GPR158: variants seen among roughly 807,000 people sequenced by gnomAD.
GPR158 encodes the protein G protein-coupled receptor 158, also known as metabotropic glycine receptor.
A neutral mutation model predicts 78.2 loss-of-function variants in GPR158; 30 were observed. That is an observed-to-expected ratio of 0.38 (90% CI 0.29 to 0.52). The LOEUF (loss-of-function observed/expected upper bound fraction) is 0.52. Among genes scored for constraint, GPR158 ranks in the 20% least tolerant of loss-of-function variants. GPR158 has a pLI of 0.83. For synonymous variants in GPR158, 581 were observed against 591.1 expected, an observed-to-expected ratio of 0.98 and a Z score of 0.25; for missense variants, 1,463 against 1,523.5, an observed-to-expected ratio of 0.96 and a Z score of 0.66.
In GPR158 at chr10:25,221,098, C is replaced by A; in HGVS notation, c.949C>A (p.Gln317Lys). The A allele has an allele frequency of 6.2e-7, 1 of 1,602,806 alleles. No individual in the cohort carries two copies. Among genetic ancestry groups the A allele is most frequent in the Non-Finnish European group, 8.5e-7 (1 of 1,170,934 alleles). Reference protein sequence around the residue: ...DINLQKVDIDQCSSDGWFSGT... With the variant: ...DINLQKVDIDKCSSDGWFSGT... ...AAATCTTCAGAAAGTGGACATTGAC[C>A]AATGCTCAAGTGATGGCTGGTTTTC... Residue 317 changes from glutamine to lysine, a missense_variant, in exon 2 of 11, where the codon CAA becomes AAA. Physicochemically the swap from Gln to Lys is moderately conservative, Grantham distance 53. Coordinates refer to ENST00000376351, the MANE Select transcript of GPR158 (RefSeq NM_020752.3).
chr10:25,290,904 A>G (rs540718337), intron 2 of GPR158, among the ~76,000 whole-genome samples: 3 of 152,196 alleles, frequency 2.0e-5, no homozygotes. Flanking sequence ...AGTACTGTAC[A>G]TTAAAAATAA....
intron 2 of GPR158, among the ~76,000 whole-genome samples, chr10:25,344,998 C>T (rs1855354227): frequency 6.6e-6 from 1 of 151,934 alleles, no homozygotes; most frequent in East Asian, 1.9e-4. Flanking sequence ...AGGGCTCTGC[C>T]TTTATGACTT....
intron 2 of GPR158, among the ~76,000 whole-genome samples, chr10:25,261,450 T>C (rs1449738657): frequency 6.6e-6 from 1 of 152,188 alleles, no homozygotes; most frequent in African/African-American, 2.4e-5. Context: ...TTATTTTTTT[T>C]ACATCATTCT....
intron 4 of GPR158, among the ~76,000 whole-genome samples, chr10:25,449,208 ATTTCC>A (rs1835181431): frequency 6.6e-6 from 1 of 152,192 alleles, no homozygotes; most frequent in African/African-American, 2.4e-5. Flanking sequence ...GATTCTGATT[ATTTCC>A]TTTCAACAAC....
chr10:25,572,728 G>T lies in GPR158; in HGVS notation c.1594G>T (p.Val532Leu). The change falls in exon 7 of 11, where the codon GTA becomes TTA. Residue 532 changes from valine (V) to leucine (L), a missense_variant. Val to Leu is a conservative substitution (Grantham distance 32). Transcript: ENST00000376351. ...TGGRVMRMLAVILLVVFWFLI... is the reference protein window; with the variant it reads ...TGGRVMRMLALILLVVFWFLI... ...CGGACGGGTCATGAGGATGCTGGCA[G>T]TAATACTCTTGGTAGTGTTTTGGTT... is the stretch of plus-strand genomic sequence containing the variant. The T allele has an allele frequency of 6.2e-7, 1 of 1,613,914 alleles. No homozygotes were observed.
intron 4 of GPR158, among the ~76,000 whole-genome samples, chr10:25,433,586 C>T (rs1157274803): frequency 4.8e-5 from 7 of 145,652 alleles, no homozygotes; most frequent in Admixed American, 1.4e-4. Flanking sequence ...CGCGCGTGCG[C>T]GTGCGCATAT....
At chr10:25,449,879 C>A (rs938344260) in intron 4 of GPR158, among the ~76,000 whole-genome samples, 8 of 151,830 alleles carry the variant, frequency 5.3e-5, no homozygotes, top group African/African-American at 1.7e-4. Flanking sequence ...CCAATACACC[C>A]AGTTATAGAA....
In GPR158 at chr10:25,429,900, T is replaced by G. The variant is rs569084537; in HGVS notation, c.1335+17427T>G. Among the ~76,000 whole-genome samples, 970 of 139,784 alleles carry G rather than the reference T, an allele frequency of 6.9e-3. 9 individuals are homozygous for G. Among genetic ancestry groups the G allele is most frequent in the African/African-American group, 0.026 (935 of 36,320 alleles). 91.7% of individuals were successfully genotyped at this position (139,784 alleles called of 152,430 possible). ...CTATCTATGACAAACCCACAGCCAATATCATACTGAATGGGCAAAAACTGG... is the reference window on the plus strand; with the variant it reads ...CTATCTATGACAAACCCACAGCCAAGATCATACTGAATGGGCAAAAACTGG... On this transcript the variant is annotated intron_variant, in intron 4 of 10. Coordinates refer to ENST00000376351, the MANE Select transcript of GPR158 (RefSeq NM_020752.3).
chr10:25,303,838 A>G (rs974814395), intron 2 of GPR158, among the ~76,000 whole-genome samples: 1 of 152,206 alleles, frequency 6.6e-6, no homozygotes, highest in Admixed American at 6.5e-5. Context: ...TTATTTGCAC[A>G]ATTATAAGAA....
chr10:25,245,172 G>A (rs1416285944), intron 2 of GPR158, among the ~76,000 whole-genome samples: 2 of 152,222 alleles, frequency 1.3e-5, no homozygotes, highest in African/African-American at 4.8e-5. Flanking sequence ...GATGCTCAAA[G>A]GAATGCCAGT....
At chr10:25,347,743 CA>C (rs752556420) in intron 2 of GPR158, among the ~76,000 whole-genome samples, 4 of 152,072 alleles carry the variant, frequency 2.6e-5, no homozygotes, top group Non-Finnish European at 5.9e-5. Context: ...CTTTACATAG[CA>C]TTTTGAACTT....
intron 2 of GPR158, among the ~76,000 whole-genome samples, chr10:25,269,487 C>A (rs1055552402): frequency 6.6e-6 from 1 of 152,124 alleles, no homozygotes; most frequent in African/African-American, 2.4e-5. Flanking sequence ...AATCCCTGAC[C>A]ACATTTTAGT....
chr10:25,177,105 G>A lies in GPR158; in HGVS notation c.902+783G>A, dbSNP rs1329193076. Among the ~76,000 whole-genome samples, 3 of 152,328 alleles carry A rather than the reference G, an allele frequency of 2.0e-5. No individual in the cohort carries two copies. The East Asian group carries it at 5.8e-4, about 29-fold the overall frequency. On this transcript the variant is annotated intron_variant, in intron 1 of 10. Transcript: ENST00000376351. ...AAAGGACCTAGTTATATTCGGGAGG[G>A]AGGCATCAGTTGTGACTGAATTCAC...
chr10:25,520,595 C>A (rs1415270412), intron 5 of GPR158, among the ~76,000 whole-genome samples: 8 of 150,496 alleles, frequency 5.3e-5, no homozygotes, highest in Non-Finnish European at 1.0e-4. Flanking sequence ...TTCTAACAGA[C>A]AGGACCCTCA....
At chr10:25,554,260 A>G (rs2130715308) in intron 6 of GPR158, among the ~76,000 whole-genome samples, 1 of 152,298 alleles carries the variant, frequency 6.6e-6, no homozygotes, top group South Asian at 2.1e-4. Context: ...TTAAAAGTAA[A>G]CCATACCTCT....
chr10:25,551,544 A>G (rs867900353), intron 6 of GPR158, among the ~76,000 whole-genome samples: 4 of 152,174 alleles, frequency 2.6e-5, no homozygotes, highest in South Asian at 2.1e-4. Context: ...TTCAGAAAAT[A>G]GTGCTTTTGG....
At chr10:25,275,835 C>T (rs1194457939) in intron 2 of GPR158, among the ~76,000 whole-genome samples, 1 of 152,118 alleles carries the variant, frequency 6.6e-6, no homozygotes, top group Non-Finnish European at 1.5e-5. Flanking sequence ...TGTTCAAGAT[C>T]ATACTCCTAA....
At chr10:25,522,749 T>G (rs1281011303) in intron 5 of GPR158, among the ~76,000 whole-genome samples, 1 of 152,202 alleles carries the variant, frequency 6.6e-6, no homozygotes, top group Non-Finnish European at 1.5e-5. Flanking sequence ...TATGTCAGAC[T>G]TTTTAGTGCT....
chr10:25,496,791 A>C (rs1272628440), intron 5 of GPR158, among the ~76,000 whole-genome samples: 2 of 152,238 alleles, frequency 1.3e-5, no homozygotes, highest in Non-Finnish European at 2.9e-5. Flanking sequence ...AGTCCTGTGC[A>C]TCATGAGCTT....
Sources: gnomAD v4.1 joint callset for allele counts (sites outside exome capture counted in the v4.1 genomes callset) on GRCh38, gnomAD v4.1.1 for gene constraint, MANE v1.5 for transcripts, NCBI Gene and HGNC (gene_info 2026-07-23, HGNC 2026-07-21) for gene names.